The following NECTIN3 variants were observed in gnomAD, a reference collection of about 807,000 sequenced individuals.
The protein encoded by NECTIN3 is nectin cell adhesion molecule 3, also known as nectin-3.
NECTIN3 carries 8 observed loss-of-function variants against 49.4 expected under a neutral mutation model. The ratio of observed to expected loss-of-function variants is 0.16; its 90% CI spans 0.10 to 0.29. The LOEUF (loss-of-function observed/expected upper bound fraction) is 0.29, where lower values mean the gene tolerates loss of function less well. Among genes scored for constraint, NECTIN3 ranks in the 10% least tolerant of loss-of-function variants. The probability of loss-of-function intolerance (pLI) is 1.00; values close to 1 mark genes in which losing one functional copy is unlikely to be tolerated. For missense variants in NECTIN3, 581 were observed against 654.6 expected (o/e 0.89, Z 1.23); for synonymous variants, 277 against 241.1 (o/e 1.15, Z -1.38).
chr3:111,181,643 T>A (rs1313908474), intron 7 of NECTIN3, among the ~76,000 whole-genome samples: 1 of 152,082 alleles, frequency 6.6e-6, no homozygotes, highest in African/African-American at 2.4e-5. Flanking sequence ...ATTTATTAGT[T>A]TCATCTAGGT....
chr3:111,122,623 TA>T (rs1378169621), intron 4 of NECTIN3, among the ~76,000 whole-genome samples: 1 of 152,182 alleles, frequency 6.6e-6, no homozygotes. Flanking sequence ...TTAGCTATTT[TA>T]AATTAAACTC....
rs762115608 is a variant in NECTIN3 at position 111,122,138 on chromosome 3, G to A, written c.817G>A (p.Val273Ile). The A allele has an allele frequency of 6.2e-6, 10 of 1,611,464 alleles. No homozygotes were observed. The South Asian group carries it at 8.8e-5, about 14-fold the overall frequency. ...LDIQYAPEVSVTGYDGNWFVG... is the reference protein window; with the variant it reads ...LDIQYAPEVSITGYDGNWFVG... ...TTTTATAGATGCTCCTGAAGTTTCGGTAACAGGATATGATGGAAATTGGTT... is the reference window on the plus strand; with the variant it reads ...TTTTATAGATGCTCCTGAAGTTTCGATAACAGGATATGATGGAAATTGGTT... The change falls in exon 4 of 6, where the codon GTA (valine) becomes ATA (isoleucine). Residue 273 changes from valine to isoleucine, a missense_variant. Transcript: ENST00000485303.
intron 1 of NECTIN3, among the ~76,000 whole-genome samples, chr3:111,087,351 A>T (rs923784428): frequency 1.3e-5 from 2 of 151,930 alleles, no homozygotes; most frequent in African/African-American, 2.4e-5. Flanking sequence ...TGTAGCATTT[A>T]AAAAAAATAG....
At chr3:111,091,498 C>T (rs1349716139) in intron 1 of NECTIN3, among the ~76,000 whole-genome samples, 3 of 152,074 alleles carry the variant, frequency 2.0e-5, no homozygotes, top group Non-Finnish European at 4.4e-5. Flanking sequence ...ATGATTCACC[C>T]GCCTCGGCCT....
At chr3:111,147,627 CATT>C in intron 7 of NECTIN3, 1 of 718,998 alleles carries the variant, frequency 1.4e-6, no homozygotes, top group Non-Finnish European at 2.2e-6. Context: ...GTTGTTTAGT[CATT>C]ATGCATTAAA....
At chr3:111,072,202 T>C (rs879241899) in intron 1 of NECTIN3, 25 bp downstream of exon 1, 1 of 1,531,680 alleles carries the variant, frequency 6.5e-7, no homozygotes, top group Non-Finnish European at 8.8e-7. Flanking sequence ...GCGGCCGGCG[T>C]GGGCTGAGGG....
chr3:111,153,362 CTAAA>C (rs2107514332), intron 7 of NECTIN3, among the ~76,000 whole-genome samples: 1 of 151,906 alleles, frequency 6.6e-6, no homozygotes, highest in South Asian at 2.1e-4. Context: ...TATTAAAAAT[CTAAA>C]TATCTAAAAA....
At chr3:111,144,422 A>AT (rs373962838) in intron 5 of NECTIN3, among the ~76,000 whole-genome samples, 1 of 151,296 alleles carries the variant, frequency 6.6e-6, no homozygotes, top group Non-Finnish European at 1.5e-5. Flanking sequence ...TCCAATGTCA[A>AT]TTTTTTTTGA....
In NECTIN3 at chr3:111,165,588, A is replaced by T. The variant is rs555795397; in HGVS notation, c.1221+18104A>T. Among the ~76,000 whole-genome samples, 17 of 152,326 alleles carry T rather than the reference A, an allele frequency of 1.1e-4. No individual in the cohort carries two copies. In the East Asian group the frequency reaches 3.3e-3, roughly 29 times the overall value. ...CCGGAGTACGGTATGGAATTGACAG[A>T]CTAGCCATTGACAAAGCACAAAGGA... On this transcript the variant is annotated intron_variant, in intron 7 of 8. Coordinates refer to the NECTIN3 transcript ENST00000493615.
In NECTIN3 at chr3:111,118,098, G is replaced by C. The variant is rs571064672; in HGVS notation, c.503-558G>C. Among the ~76,000 whole-genome samples, 46 of 151,508 alleles carry C rather than the reference G, an allele frequency of 3.0e-4. 1 individual carries two copies. The highest frequency in any genetic ancestry group is 5.6e-4 in the Non-Finnish European group (38 of 67,776). On this transcript the variant is annotated intron_variant, in intron 2 of 5. Coordinates refer to ENST00000485303, the MANE Select transcript of NECTIN3 (RefSeq NM_015480.3). Reference sequence around the variant, plus strand: ...AGGCAGTGTTTTAAATGAAATTATTGAGTCACTTACTGGGCCAAGAAAAAC... The same window carrying C: ...AGGCAGTGTTTTAAATGAAATTATTCAGTCACTTACTGGGCCAAGAAAAAC...
intron 1 of NECTIN3, among the ~76,000 whole-genome samples, chr3:111,090,254 A>G (rs1024705812): frequency 6.6e-6 from 1 of 152,126 alleles, no homozygotes; most frequent in African/African-American, 2.4e-5. Flanking sequence ...GTTTAGCTCT[A>G]CCATCTTACA....
chr3:111,112,732 T>C (rs2033524832), intron 2 of NECTIN3, among the ~76,000 whole-genome samples: 1 of 152,180 alleles, frequency 6.6e-6, no homozygotes, highest in Non-Finnish European at 1.5e-5. Flanking sequence ...TTTTTTCATT[T>C]TTAAAAAATT....
At chr3:111,117,270 A>C (rs867055127) in intron 2 of NECTIN3, among the ~76,000 whole-genome samples, 26 of 152,118 alleles carry the variant, frequency 1.7e-4, no homozygotes, top group African/African-American at 6.0e-4. Context: ...ATTCTTAGAA[A>C]GTTCAGAAAC....
chr3:111,186,324 A>G (rs920292835), intron 7 of NECTIN3, among the ~76,000 whole-genome samples: 6 of 152,202 alleles, frequency 3.9e-5, no homozygotes, highest in African/African-American at 1.4e-4. Flanking sequence ...ACAAGGCTAC[A>G]GTAACCAAAA....
chr3:111,172,960 TC>T (rs1383332926), intron 7 of NECTIN3, among the ~76,000 whole-genome samples: 1 of 152,188 alleles, frequency 6.6e-6, no homozygotes, highest in Non-Finnish European at 1.5e-5. Flanking sequence ...GCTTTTGAAG[TC>T]ACTTATATCC....
chr3:111,093,563 T>A (rs185363327), intron 1 of NECTIN3, among the ~76,000 whole-genome samples: 1 of 151,926 alleles, frequency 6.6e-6, no homozygotes, highest in African/African-American at 2.4e-5. Context: ...GCCTCCTGAG[T>A]AACTAGGATT....
intron 5 of NECTIN3, among the ~76,000 whole-genome samples, chr3:111,127,798 G>T (rs1221851831): frequency 6.6e-6 from 1 of 151,896 alleles, no homozygotes; most frequent in African/African-American, 2.4e-5. Context: ...GAACTTCTGA[G>T]CTCAAGTGAT....
intron 1 of NECTIN3, chr3:111,077,343 G>GAAAAAAA (rs2031279895): frequency 3.4e-5 from 1 of 29,690 alleles, no homozygotes; most frequent in Non-Finnish European, 5.6e-4. Context: ...AACTTTAATG[G>GAAAAAAA]TAAAAAAAAA....
chr3:111,181,035 A>C (rs958276386), intron 7 of NECTIN3, among the ~76,000 whole-genome samples: 1 of 152,182 alleles, frequency 6.6e-6, no homozygotes, highest in African/African-American at 2.4e-5. Flanking sequence ...ACATGGATGT[A>C]ACCATTGCCC....
Sources: allele counts gnomAD v4.1 joint callset (sites outside exome capture counted in the v4.1 genomes callset), GRCh38; gene constraint gnomAD v4.1.1; transcripts MANE v1.5; gene names NCBI Gene and HGNC (gene_info 2026-07-23, HGNC 2026-07-21).